The following LRP1B variants were observed in gnomAD, a reference collection of about 807,000 sequenced individuals.
The protein encoded by LRP1B is low-density lipoprotein receptor-related protein 1B.
In LRP1B, 217 loss-of-function variants were observed where a neutral mutation model predicts 556.6. The observed-to-expected ratio is 0.39, with a 90% CI of 0.35 to 0.44. The LOEUF is 0.44. Among genes scored for constraint, LRP1B ranks in the 20% least tolerant of loss-of-function variants. The pLI, the probability that LRP1B is intolerant of heterozygous loss-of-function variation, is 1.00. For synonymous variants in LRP1B, 2,047 were observed against 1,865.8 expected, an observed-to-expected ratio of 1.10 and a Z score of -2.50; for missense variants, 5,053 against 5,620.8, an observed-to-expected ratio of 0.90 and a Z score of 3.23.
intron 3 of LRP1B, among the ~76,000 whole-genome samples, chr2:141,378,207 T>C (rs1689507779): frequency 1.3e-5 from 2 of 152,158 alleles, no homozygotes; most frequent in South Asian, 4.1e-4. Flanking sequence ...AAAGAAATAA[T>C]TTTGAAGCCT....
chr2:141,501,957 T>C (rs1197726010), intron 2 of LRP1B, among the ~76,000 whole-genome samples: 1 of 152,004 alleles, frequency 6.6e-6, no homozygotes, highest in Non-Finnish European at 1.5e-5. Flanking sequence ...GAAGGCACTG[T>C]GGAGGGAGGC....
intron 1 of LRP1B, among the ~76,000 whole-genome samples, chr2:142,115,499 A>ATGTAAT (rs1559079373): frequency 1.2e-5 from 1 of 84,980 alleles, no homozygotes; most frequent in Non-Finnish European, 2.3e-5. Flanking sequence ...AATTATATAT[A>ATGTAAT]ATATATATTA....
intron 41 of LRP1B, among the ~76,000 whole-genome samples, chr2:140,655,074 T>C (rs1054121184): frequency 2.7e-5 from 4 of 149,384 alleles, no homozygotes; most frequent in African/African-American, 9.9e-5. Flanking sequence ...AATTGGAATA[T>C]ATGTGGCCTA....
intron 1 of LRP1B, among the ~76,000 whole-genome samples, chr2:142,044,270 G>A (rs1419506241): frequency 1.3e-5 from 2 of 151,678 alleles, no homozygotes; most frequent in Non-Finnish European, 2.9e-5. Flanking sequence ...TTTCTACTTG[G>A]AATTTCTAAT....
intron 31 of LRP1B, among the ~76,000 whole-genome samples, chr2:140,834,289 G>A (rs1691821938): frequency 1.3e-5 from 2 of 152,094 alleles, no homozygotes; most frequent in Admixed American, 6.6e-5. Context: ...CATCAGGCTG[G>A]AGTACAGTGG....
chr2:140,489,258 A>G (rs1688602076), intron 57 of LRP1B, among the ~76,000 whole-genome samples: 2 of 152,038 alleles, frequency 1.3e-5, no homozygotes, highest in African/African-American at 4.8e-5. Context: ...TCCAGATTAC[A>G]AAGACAACCT....
chr2:140,822,375 C>T (rs1188943621), intron 31 of LRP1B, among the ~76,000 whole-genome samples: 2 of 152,174 alleles, frequency 1.3e-5, no homozygotes, highest in East Asian at 1.9e-4. Flanking sequence ...TCTTTAGTGA[C>T]ACATACTCAT....
intron 1 of LRP1B, among the ~76,000 whole-genome samples, chr2:141,834,402 G>A (rs1250160972): frequency 6.6e-6 from 1 of 151,874 alleles, no homozygotes; most frequent in South Asian, 2.1e-4. Flanking sequence ...AGGAGAGATA[G>A]AAACAAAGTG....
intron 3 of LRP1B, among the ~76,000 whole-genome samples, chr2:141,328,969 T>C (rs2105487190): frequency 6.6e-6 from 1 of 152,328 alleles, no homozygotes; most frequent in Middle Eastern, 3.4e-3. Flanking sequence ...TTTTGAGTTC[T>C]AGCTTCTTTA....
rs369354711 is a variant in LRP1B at position 140,297,984 on chromosome 2, A to T, written c.12806-15T>A. On this transcript the variant is annotated splice_polypyrimidine_tract_variant and intron_variant, in intron 83 of 90. Coordinates refer to ENST00000389484, the MANE Select transcript of LRP1B (RefSeq NM_018557.3). ...GGTGGGTCTCCCTATTGGAAACAAT[A>T]AGTAATAAAAAGCAAATTATTCAAC... 1 of 1,563,806 alleles carries T rather than the reference A, an allele frequency of 6.4e-7. No individual in the cohort carries two copies. The highest frequency in any genetic ancestry group is 1.8e-5 in the Admixed American group (1 of 56,054).
chr2:141,173,120 T>C (rs1237951167), intron 7 of LRP1B, among the ~76,000 whole-genome samples: 1 of 151,902 alleles, frequency 6.6e-6, no homozygotes, highest in Non-Finnish European at 1.5e-5. Flanking sequence ...GAGGTAAGCA[T>C]CACCTTCACT....
intron 3 of LRP1B, among the ~76,000 whole-genome samples, chr2:141,467,507 C>A (rs906666195): frequency 6.6e-6 from 1 of 152,062 alleles, no homozygotes; most frequent in East Asian, 1.9e-4. Flanking sequence ...TCCCTGAAGG[C>A]ATAAGGTAGA....
At chr2:142,080,163 A>C (rs1409382070) in intron 1 of LRP1B, among the ~76,000 whole-genome samples, 1 of 152,124 alleles carries the variant, frequency 6.6e-6, no homozygotes, top group Non-Finnish European at 1.5e-5. Flanking sequence ...CACATGTGTC[A>C]AATAAAGACT....
At chr2:141,068,994 T>C (rs1699560154) in intron 7 of LRP1B, among the ~76,000 whole-genome samples, 1 of 152,058 alleles carries the variant, frequency 6.6e-6, no homozygotes. Flanking sequence ...ATCTTTTCAG[T>C]AGTCTCTAGA....
intron 7 of LRP1B, among the ~76,000 whole-genome samples, chr2:141,173,924 T>C (rs1680619395): frequency 6.6e-6 from 1 of 152,064 alleles, no homozygotes; most frequent in Non-Finnish European, 1.5e-5. Flanking sequence ...AAATATACTA[T>C]ATTATACTAT....
At chr2:141,219,756 A>G (rs1682959010) in intron 6 of LRP1B, among the ~76,000 whole-genome samples, 1 of 152,144 alleles carries the variant, frequency 6.6e-6, no homozygotes, top group South Asian at 2.1e-4. Flanking sequence ...GCTGTTCTGT[A>G]GCCTCCACTG....
intron 11 of LRP1B, among the ~76,000 whole-genome samples, chr2:141,025,510 G>A (rs552116039): frequency 6.6e-6 from 1 of 152,046 alleles, no homozygotes; most frequent in Non-Finnish European, 1.5e-5. Context: ...GTAATAAGCA[G>A]GTTACTCTCT....
chr2:140,608,140 T>A (rs1426897362), intron 41 of LRP1B, among the ~76,000 whole-genome samples: 3 of 152,168 alleles, frequency 2.0e-5, no homozygotes, highest in African/African-American at 7.2e-5. Flanking sequence ...ATTTTCATTA[T>A]TTTGTGTTAG....
chr2:140,814,764 GT>G (rs1329377942), intron 31 of LRP1B, among the ~76,000 whole-genome samples: 1 of 152,186 alleles, frequency 6.6e-6, no homozygotes, highest in Non-Finnish European at 1.5e-5. Flanking sequence ...CATTTGGCAA[GT>G]GAGTGAATCA....
Sources: gnomAD v4.1 joint callset for allele counts (sites outside exome capture counted in the v4.1 genomes callset) on GRCh38, gnomAD v4.1.1 for gene constraint, MANE v1.5 for transcripts, NCBI Gene and HGNC (gene_info 2026-07-23, HGNC 2026-07-21) for gene names.